The following FOXP1 variants were observed in gnomAD, a reference collection of about 807,000 sequenced individuals.
FOXP1 encodes the protein forkhead box protein P1.
FOXP1 carries 15 observed loss-of-function variants against 98.2 expected under a neutral mutation model. The ratio of observed to expected loss-of-function variants is 0.15; its 90% CI spans 0.10 to 0.24. The LOEUF (loss-of-function observed/expected upper bound fraction) is 0.24. Ranked by LOEUF, FOXP1 falls within the 10% of genes least tolerant of loss-of-function variation. The pLI, the probability that FOXP1 is intolerant of heterozygous loss-of-function variation, is 1.00. For missense variants in FOXP1, 633 were observed against 848.5 expected (o/e 0.75, Z 3.15); for synonymous variants, 371 against 314.5 (o/e 1.18, Z -1.90).
At chr3:71,426,524 G>A (rs1176937573) in intron 3 of FOXP1, among the ~76,000 whole-genome samples, 2 of 152,152 alleles carry the variant, frequency 1.3e-5, no homozygotes, top group Admixed American at 1.3e-4. Context: ...ACTAAATGTG[G>A]TTTCTGATAA....
At chr3:71,280,041 T>G (rs2071347499) in intron 5 of FOXP1, among the ~76,000 whole-genome samples, 1 of 146,524 alleles carries the variant, frequency 6.8e-6, no homozygotes, top group Admixed American at 7.1e-5. Flanking sequence ...GAGAATGGCG[T>G]GAACCCGGAA....
rs2060876896 is a variant in FOXP1 at position 71,157,395 on chromosome 3, AG to A, written c.180+40806del. 3.9e-5 allele frequency among the ~76,000 whole-genome samples: 6 copies of A among 152,336 alleles called. No homozygotes were observed. In the South Asian group the frequency reaches 1.2e-3, roughly 32 times the overall value. On this transcript the variant is annotated intron_variant, in intron 6 of 20. Coordinates refer to ENST00000649528, the MANE Select transcript of FOXP1 (RefSeq NM_001349338.3). ...CACCAAAATATTAAAAAGATAAGGC[AG>A]TGTGAAAAAGTTTACTCCTGAAATG... is the stretch of plus-strand genomic sequence containing the variant.
chr3:71,020,943 G>A (rs1481164811), intron 11 of FOXP1, among the ~76,000 whole-genome samples: 1 of 152,090 alleles, frequency 6.6e-6, no homozygotes, highest in Non-Finnish European at 1.5e-5. Flanking sequence ...ATTATAAACT[G>A]TATTTTATTT....
At chr3:71,163,384 C>T (rs2061239983) in intron 6 of FOXP1, among the ~76,000 whole-genome samples, 1 of 152,186 alleles carries the variant, frequency 6.6e-6, no homozygotes, top group Admixed American at 6.5e-5. Context: ...CCTTTCTACC[C>T]CTCAGCATCT....
At chr3:71,178,310 T>C (rs529392674) in intron 6 of FOXP1, among the ~76,000 whole-genome samples, 2 of 152,170 alleles carry the variant, frequency 1.3e-5, no homozygotes, top group South Asian at 4.1e-4. Flanking sequence ...AATTTGTTTG[T>C]ATTTTAGTAG....
intron 2 of FOXP1, among the ~76,000 whole-genome samples, chr3:71,569,907 C>T (rs1432959332): frequency 6.6e-6 from 1 of 152,022 alleles, no homozygotes; most frequent in African/African-American, 2.4e-5. Flanking sequence ...CTCAGCCTCC[C>T]GAGTAGCTGG....
intron 7 of FOXP1, among the ~76,000 whole-genome samples, chr3:71,099,177 T>G (rs1047019590): frequency 6.6e-6 from 1 of 152,200 alleles, no homozygotes; most frequent in Non-Finnish European, 1.5e-5. Flanking sequence ...CCTAGTGAAC[T>G]AAATATAACT....
intron 4 of FOXP1, among the ~76,000 whole-genome samples, chr3:71,328,144 TTGGC>T (rs2076033025): frequency 6.6e-6 from 1 of 152,100 alleles, no homozygotes; most frequent in African/African-American, 2.4e-5. Flanking sequence ...GCAGAAGAAT[TTGGC>T]AAACAGGCTG....
chr3:71,371,480 G>A (rs767488280), intron 3 of FOXP1, among the ~76,000 whole-genome samples: 2 of 152,254 alleles, frequency 1.3e-5, no homozygotes, highest in South Asian at 2.1e-4. Context: ...CAACTGCTTC[G>A]CATCCATTTC....
At chr3:71,231,895 C>T (rs1455299188) in intron 5 of FOXP1, among the ~76,000 whole-genome samples, 4 of 152,264 alleles carry the variant, frequency 2.6e-5, no homozygotes, top group African/African-American at 7.2e-5. Flanking sequence ...CATACTTCAA[C>T]GTTATCTCCT....
chr3:71,303,113 T>A (rs2073987627), intron 4 of FOXP1, among the ~76,000 whole-genome samples: 1 of 151,936 alleles, frequency 6.6e-6, no homozygotes, highest in South Asian at 2.1e-4. Context: ...AAATGAAGAG[T>A]ATCAGCTCTT....
chr3:71,583,874 T>C (rs948667111), upstream of FOXP1: 195 of 981,480 alleles, frequency 2.0e-4, no homozygotes, highest in African/African-American at 3.3e-3. Flanking sequence ...CCCGACCCTC[T>C]ACCTCCCGCA....
intron 18 of FOXP1, chr3:70,971,145 G>C: frequency 2.9e-6 from 1 of 348,584 alleles, no homozygotes; most frequent in Non-Finnish European, 5.5e-6. Context: ...CTAGGAGGTC[G>C]TGCTGGGGAA....
At position 71,245,095 on chromosome 3, in the gene FOXP1, C is replaced by T. The variant is rs535699216; in HGVS notation, c.-11-46703G>A. 4.6e-5 allele frequency: 7 copies of T among 152,252 alleles called. No homozygotes were observed. The East Asian group carries it at 9.6e-4, about 21-fold the overall frequency. 9.4% of individuals were successfully genotyped at this position (152,252 alleles called of 1,614,324 possible). On this transcript the variant is annotated intron_variant, in intron 5 of 20. Coordinates refer to ENST00000649528, the MANE Select transcript of FOXP1 (RefSeq NM_001349338.3). ...AGCTCAGTGGCAGAAGCGAGAGTTC[C>T]GTAGGATTTATTTGACACTTATTTT...
At chr3:71,583,968 G>A, upstream of FOXP1, 7 of 973,506 alleles carry the variant, frequency 7.2e-6, no homozygotes, top group Non-Finnish European at 8.5e-6. Context: ...GCCGTTCGCC[G>A]GGGCGCTGGC....
At chr3:71,062,434 C>T (rs963705643) in intron 7 of FOXP1, among the ~76,000 whole-genome samples, 3 of 152,138 alleles carry the variant, frequency 2.0e-5, no homozygotes, top group African/African-American at 7.2e-5. Flanking sequence ...TTTCTTTTGA[C>T]ACTTAGGTTG....
At chr3:71,147,157 C>A (rs1433826965) in intron 6 of FOXP1, among the ~76,000 whole-genome samples, 1 of 152,232 alleles carries the variant, frequency 6.6e-6, no homozygotes, top group Non-Finnish European at 1.5e-5. Context: ...ACCAAGTAGG[C>A]ACAATTTTCC....
chr3:71,333,103 T>C (rs1357903061), intron 4 of FOXP1: 1 of 152,152 alleles, frequency 6.6e-6, no homozygotes, highest in Non-Finnish European at 1.5e-5. Context: ...CATTCTAGCA[T>C]AGGACTCCAC....
intron 3 of FOXP1, among the ~76,000 whole-genome samples, chr3:71,374,602 A>AT (rs1553862716): frequency 2.0e-4 from 30 of 151,624 alleles, no homozygotes; most frequent in Non-Finnish European, 3.5e-4. Flanking sequence ...CTCAAAAAAA[A>AT]AAATAAAAAT....
Sources: allele counts gnomAD v4.1 joint callset (sites outside exome capture counted in the v4.1 genomes callset), GRCh38; gene constraint gnomAD v4.1.1; transcripts MANE v1.5; gene names NCBI Gene and HGNC (gene_info 2026-07-23, HGNC 2026-07-21).